The following RALGAPA1 variants were observed in gnomAD, a reference collection of about 807,000 sequenced individuals.
RALGAPA1 encodes the protein Ral GTPase activating protein catalytic subunit alpha 1.
In RALGAPA1, 52 loss-of-function variants were observed where a neutral mutation model predicts 269.6. The observed-to-expected ratio is 0.19, with a 90% CI of 0.15 to 0.24. The LOEUF (loss-of-function observed/expected upper bound fraction) is 0.24, where lower values mean the gene tolerates loss of function less well. Ranked by LOEUF, RALGAPA1 falls within the 10% of genes least tolerant of loss-of-function variation. RALGAPA1 has a pLI of 1.00. For missense variants in RALGAPA1, 1,917 were observed against 3,013.9 expected (o/e 0.64, Z 8.52); for synonymous variants, 817 against 1,008.3 (o/e 0.81, Z 3.60).
intron 1 of RALGAPA1, among the ~76,000 whole-genome samples, chr14:35,796,508 A>G (rs1402225969): frequency 6.6e-6 from 1 of 152,212 alleles, no homozygotes; most frequent in African/African-American, 2.4e-5. Flanking sequence ...GATGAAAACT[A>G]TAAACCCACA....
intron 35 of RALGAPA1, among the ~76,000 whole-genome samples, chr14:35,624,156 C>CAAAAAAAAAAAAAAAAAA (rs377171729): frequency 9.2e-5 from 2 of 21,832 alleles, no homozygotes; most frequent in Non-Finnish European, 2.2e-4. Context: ...TAATACAACG[C>CAAAAAAAAAAAAAAAAAA]AAAAAAAAAA....
intron 33 of RALGAPA1, among the ~76,000 whole-genome samples, chr14:35,631,080 T>C (rs867518635): frequency 1.1e-4 from 16 of 152,230 alleles, no homozygotes; most frequent in Middle Eastern, 3.4e-3. Flanking sequence ...GTAGCTTGAA[T>C]CTAGTGTTTG....
chr14:35,620,308 C>A (rs573728058), intron 35 of RALGAPA1, among the ~76,000 whole-genome samples: 1 of 152,268 alleles, frequency 6.6e-6, no homozygotes, highest in South Asian at 2.1e-4. Flanking sequence ...CAAAATTCAA[C>A]AGCTCTTCAT....
At chr14:35,673,956 C>G (rs2064726163) in intron 24 of RALGAPA1, among the ~76,000 whole-genome samples, 1 of 152,278 alleles carries the variant, frequency 6.6e-6, no homozygotes, top group South Asian at 2.1e-4. Context: ...TACAGACATA[C>G]CTCTCTATAT....
intron 17 of RALGAPA1, among the ~76,000 whole-genome samples, chr14:35,691,334 A>G (rs1319026107): frequency 6.6e-6 from 1 of 152,132 alleles, no homozygotes; most frequent in East Asian, 1.9e-4. Flanking sequence ...GCAAAATACA[A>G]TGTCTATGAA....
chr14:35,566,925 ATATG>A (rs1376141660), intron 39 of RALGAPA1, among the ~76,000 whole-genome samples: 5 of 149,186 alleles, frequency 3.4e-5, no homozygotes, highest in Non-Finnish European at 5.9e-5. Context: ...ATATATATGC[ATATG>A]TATGTATGTA....
chr14:35,756,956 A>G (rs371272457), intron 6 of RALGAPA1, 48 bp from the exon 7 acceptor site: 1 of 1,444,464 alleles, frequency 6.9e-7, no homozygotes, highest in Non-Finnish European at 9.2e-7. Flanking sequence ...CAAATTTAAT[A>G]AAACAATAAT....
At chr14:35,715,236 C>T (rs997817985) in intron 16 of RALGAPA1, among the ~76,000 whole-genome samples, 5 of 152,314 alleles carry the variant, frequency 3.3e-5, no homozygotes, top group Non-Finnish European at 7.4e-5. Context: ...TTACCCTCTC[C>T]TTCACATTTC....
chr14:35,674,727 T>C lies in RALGAPA1; in HGVS notation c.4625-18A>G, dbSNP rs1018187730. 8 of 1,378,048 alleles carry C rather than the reference T, an allele frequency of 5.8e-6. No individual in the cohort carries two copies. In the African/African-American group the frequency reaches 7.3e-5, roughly 12 times the overall value. 85.4% of individuals were successfully genotyped at this position (1,378,048 alleles called of 1,614,324 possible). A position where few individuals can be genotyped will look rare whatever the true frequency, so the allele number is the denominator to read the frequency against. On this transcript the variant is annotated intron_variant, in intron 22 of 41. Transcript: ENST00000680220. ...ACTAATTTCTATAGAAAAAAATATA[T>C]AGTGTCAGCCATTTTTCAGTGAACT... is the stretch of plus-strand genomic sequence containing the variant.
Position 35,607,279 on chromosome 14 carries a change from ATTCT to A in RALGAPA1, c.6930-1574_6930-1571del, listed in dbSNP as rs2059657581. 2.0e-5 allele frequency among the ~76,000 whole-genome samples: 3 copies of A among 152,162 alleles called. 1 individual carries two copies. The highest frequency in any genetic ancestry group is 4.4e-5 in the Non-Finnish European group (3 of 68,026). ...ATGTTGCAGAAGTTTTGCCCTGGGC[ATTCT>A]ACTCAGGCCTAGAAGACAGAGGTTC... On this transcript the variant is annotated intron_variant, in intron 35 of 41. Transcript: ENST00000680220.
intron 30 of RALGAPA1, 44 bp from the exon 31 acceptor site, chr14:35,651,917 A>G (rs1297211012): frequency 6.8e-7 from 1 of 1,474,354 alleles, no homozygotes; most frequent in Non-Finnish European, 9.2e-7. Flanking sequence ...ATATATGTCA[A>G]ATTAATGGTA....
intron 37 of RALGAPA1, among the ~76,000 whole-genome samples, chr14:35,582,991 C>T (rs1442432995): frequency 6.6e-6 from 1 of 152,120 alleles, no homozygotes; most frequent in African/African-American, 2.4e-5. Flanking sequence ...ACCTTACCAC[C>T]ATACCACTAA....
chr14:35,804,203 A>C (rs1476730000), intron 1 of RALGAPA1, among the ~76,000 whole-genome samples: 1 of 151,914 alleles, frequency 6.6e-6, no homozygotes, highest in Non-Finnish European at 1.5e-5. Flanking sequence ...TGGACGTTGC[A>C]GTGAGCCAAG....
At chr14:35,685,835 C>T (rs1377610553) in intron 19 of RALGAPA1, among the ~76,000 whole-genome samples, 11 of 152,086 alleles carry the variant, frequency 7.2e-5, no homozygotes, top group Non-Finnish European at 1.6e-4. Context: ...ACCCGGGAGA[C>T]GGAGGCTGCA....
chr14:35,748,889 T>C, intron 9 of RALGAPA1, 65 bp from the exon 10 acceptor site: 1 of 1,487,330 alleles, frequency 6.7e-7, no homozygotes, highest in Non-Finnish European at 8.9e-7. Flanking sequence ...ATGTATTTTG[T>C]CTTTTAATAG....
intron 35 of RALGAPA1, among the ~76,000 whole-genome samples, chr14:35,607,874 T>G (rs1347252852): frequency 6.6e-6 from 1 of 152,208 alleles, no homozygotes; most frequent in Non-Finnish European, 1.5e-5. Flanking sequence ...CAGTCAATTT[T>G]GGAGTTCAAA....
chr14:35,556,761 TTTATC>T (rs1224400445), intron 39 of RALGAPA1, among the ~76,000 whole-genome samples: 2 of 152,200 alleles, frequency 1.3e-5, no homozygotes, highest in Non-Finnish European at 2.9e-5. Context: ...CTGGTACTTC[TTTATC>T]TAAGTCCCAT....
intron 21 of RALGAPA1, 176 bp downstream of exon 21, chr14:35,683,633 T>C (rs1049851810): frequency 3.8e-6 from 2 of 528,302 alleles, no homozygotes; most frequent in Non-Finnish European, 6.7e-6. Flanking sequence ...CTTAACCCAG[T>C]GGACCTCAGG....
At position 35,625,309 on chromosome 14, in the gene RALGAPA1, AAG is replaced by A. The variant is rs1237456666; in HGVS notation, c.6929+50_6929+51del. 1.1e-5 allele frequency: 13 copies of A among 1,170,124 alleles called. No individual in the cohort carries two copies. The African/African-American group carries it at 1.7e-4, about 15-fold the overall frequency. 72.5% of individuals were successfully genotyped at this position (1,170,124 alleles called of 1,614,324 possible). On this transcript the variant is annotated intron_variant, in intron 35 of 41. Transcript: ENST00000680220. The stretch of plus-strand genomic sequence containing the variant: ...AATATTATTCACAGTATTATTCTAA[AAG>A]AGAAATACCTGAGAGTTGCTAGTTA...
Sources: gnomAD v4.1 joint callset for allele counts (sites outside exome capture counted in the v4.1 genomes callset) on GRCh38, gnomAD v4.1.1 for gene constraint, MANE v1.5 for transcripts, NCBI Gene and HGNC (gene_info 2026-07-23, HGNC 2026-07-21) for gene names.